UGT1A10: variants seen among roughly 807,000 people sequenced by gnomAD.
UGT1A10 encodes the protein UDP-glucuronosyltransferase 1A10.
Under a neutral mutation model 45.8 loss-of-function variants are expected in UGT1A10, and 49 were observed. The ratio of observed to expected loss-of-function variants is 1.07; its 90% CI spans 0.85 to 1.36. The LOEUF is 1.36. UGT1A10 is among the 40% of genes most tolerant of loss of function. The pLI is 0.00. For missense variants in UGT1A10, 745 were observed against 668.6 expected (o/e 1.11, Z -1.26); for synonymous variants, 284 against 249.7 (o/e 1.14, Z -1.29).
Position 233,697,502 on chromosome 2 carries a change from CT to C in UGT1A10, c.855+60138del, listed in dbSNP as rs1212901051. Among the ~76,000 whole-genome samples the C allele has an allele frequency of 6.5e-3, 919 of 142,258 alleles. 11 individuals are homozygous for C. The highest frequency in any genetic ancestry group is 0.021 in the African/African-American group (802 of 39,098). The allele number at this position is 142,258 out of a possible 152,430, so 93.3% of individuals were successfully genotyped here. On this transcript the variant is annotated intron_variant, in intron 1 of 4. Transcript: ENST00000344644. ...CTCAAGGTTTGCCAATTTTGTTTAT[CT>C]TTTTTTTTTTTTAAAAAACTTTTTG...
chr2:233,680,102 C>T (rs929199534), intron 1 of UGT1A10, among the ~76,000 whole-genome samples: 47 of 152,016 alleles, frequency 3.1e-4, no homozygotes, highest in African/African-American at 1.0e-3. Flanking sequence ...GCAATCATAG[C>T]GGCAGAGCTC....
chr2:233,704,065 A>T (rs912280435), intron 1 of UGT1A10, among the ~76,000 whole-genome samples: 4 of 151,732 alleles, frequency 2.6e-5, no homozygotes, highest in Non-Finnish European at 5.9e-5. Flanking sequence ...TAATTTTTGT[A>T]TTTTTTATAG....
rs563584394 is a variant in UGT1A10, at chr2:233,667,639, A to G, written c.855+30262A>G. Among the ~76,000 whole-genome samples the G allele has an allele frequency of 1.1e-3, 172 of 152,350 alleles. 1 individual carries two copies. The highest frequency in any genetic ancestry group is 3.7e-3 in the African/African-American group (153 of 41,574). ...AATTTTGGAATCTACTCATCTGACA[A>G]AGGGCTAATATCCAGAATCTACAAT... On this transcript the variant is annotated intron_variant, in intron 1 of 4. Transcript: ENST00000344644.
chr2:233,644,939 T>G (rs1040026267), intron 1 of UGT1A10, among the ~76,000 whole-genome samples: 6 of 152,162 alleles, frequency 3.9e-5, no homozygotes, highest in Non-Finnish European at 7.4e-5. Flanking sequence ...GACAATCCTT[T>G]ACATAGAAAA....
intron 1 of UGT1A10, chr2:233,693,473 G>T: frequency 6.2e-7 from 1 of 1,614,174 alleles, no homozygotes; most frequent in Non-Finnish European, 8.5e-7. Flanking sequence ...ACCCTGTGGG[G>T]TGATCCTGGC....
intron 1 of UGT1A10, chr2:233,743,508 C>T (rs750114193): frequency 5.1e-6 from 7 of 1,367,284 alleles, no homozygotes; most frequent in East Asian, 9.1e-5. Context: ...GGGGTGCAGA[C>T]GCTCTGCTTC....
chr2:233,648,758 C>T, intron 1 of UGT1A10: 1 of 697,006 alleles, frequency 1.4e-6, no homozygotes, highest in Non-Finnish European at 2.3e-6. Context: ...GCCACCACAC[C>T]CAGCCTGGAT....
At chr2:233,746,305 A>G (rs1693353993) in intron 1 of UGT1A10, among the ~76,000 whole-genome samples, 1 of 151,774 alleles carries the variant, frequency 6.6e-6, no homozygotes, top group Non-Finnish European at 1.5e-5. Context: ...TTTCCCTTGG[A>G]GGGCCCTGTA....
chr2:233,672,460 T>C (rs141811044), intron 1 of UGT1A10: 504 of 1,613,886 alleles, frequency 3.1e-4, no homozygotes, highest in Non-Finnish European at 4.1e-4. Flanking sequence ...ACTTTGCCAC[T>C]ATCTTGAAGA....
chr2:233,648,707 G>A (rs989095177), intron 1 of UGT1A10: 26 of 404,298 alleles, frequency 6.4e-5, no homozygotes, highest in Middle Eastern at 3.9e-4. Flanking sequence ...CTCGTGATCC[G>A]CCCGCCTTGG....
intron 1 of UGT1A10, among the ~76,000 whole-genome samples, chr2:233,653,342 G>A (rs377576970): frequency 6.6e-6 from 1 of 152,076 alleles, no homozygotes; most frequent in Admixed American, 6.6e-5. Flanking sequence ...TAAACCCTCA[G>A]GTGTACTAAT....
In UGT1A10 at chr2:233,636,889, C is replaced by A. The variant is rs760404473; in HGVS notation, c.367C>A (p.His123Asn). 7 of 1,613,868 alleles carry A rather than the reference C, an allele frequency of 4.3e-6. No homozygotes were observed. The highest frequency in any genetic ancestry group is 5.9e-6 in the Non-Finnish European group (7 of 1,179,990). The change falls in exon 1 of 5, where the codon CAT becomes AAT. Residue 123 changes from histidine (H) to asparagine (N), a missense_variant. His to Asn is a moderately conservative substitution (Grantham distance 68). Coordinates refer to ENST00000344644, the MANE Select transcript of UGT1A10 (RefSeq NM_019075.4). ...TGGTTTTCTTGACTTATTTTTTTCGCATTGCAGGAGTTTGTTTAATGACCG... is the reference window on the plus strand; with the variant it reads ...TGGTTTTCTTGACTTATTTTTTTCGAATTGCAGGAGTTTGTTTAATGACCG... ...SSGFLDLFFS[H>N]CRSLFNDRKL... is the part of the protein sequence containing the mutation.
chr2:233,640,595 C>A (rs962373465), intron 1 of UGT1A10, among the ~76,000 whole-genome samples: 3 of 152,066 alleles, frequency 2.0e-5, no homozygotes, highest in Admixed American at 6.5e-5. Context: ...TGAGTAAGTT[C>A]CAAATTTTAT....
At chr2:233,716,338 G>A (rs561710355) in intron 1 of UGT1A10, among the ~76,000 whole-genome samples, 6 of 152,144 alleles carry the variant, frequency 3.9e-5, no homozygotes, top group African/African-American at 1.2e-4. Context: ...CCAGGTTTGC[G>A]CAACTACAAT....
At chr2:233,699,972 A>C (rs768298502) in intron 1 of UGT1A10, among the ~76,000 whole-genome samples, 1 of 152,052 alleles carries the variant, frequency 6.6e-6, no homozygotes, top group African/African-American at 2.4e-5. Flanking sequence ...CCGTCCCCCA[A>C]CTCCCAACAA....
At chr2:233,719,761 G>T in intron 1 of UGT1A10, 2 of 1,612,292 alleles carry the variant, frequency 1.2e-6, no homozygotes, top group Admixed American at 1.7e-5. Context: ...ACTTACAAGT[G>T]CTTCCATATC....
At chr2:233,695,200 A>G (rs2075272286) in intron 1 of UGT1A10, among the ~76,000 whole-genome samples, 1 of 145,726 alleles carries the variant, frequency 6.9e-6, no homozygotes, top group South Asian at 2.2e-4. Flanking sequence ...ATCTCAGCCC[A>G]CTGCAACCTC....
intron 1 of UGT1A10, chr2:233,743,573 A>C (rs765598613): frequency 7.3e-7 from 1 of 1,367,260 alleles, no homozygotes; most frequent in Non-Finnish European, 9.8e-7. Context: ...CGGGTTTCCC[A>C]AGAGGTCAAA....
At chr2:233,756,974 T>G (rs1036999646) in intron 1 of UGT1A10, among the ~76,000 whole-genome samples, 2 of 151,942 alleles carry the variant, frequency 1.3e-5, no homozygotes, top group African/African-American at 4.8e-5. Flanking sequence ...AAGCACGCAA[T>G]GAACAGTCAT....
Sources: gnomAD v4.1 joint callset for allele counts (sites outside exome capture counted in the v4.1 genomes callset) on GRCh38, gnomAD v4.1.1 for gene constraint, MANE v1.5 for transcripts, NCBI Gene and HGNC (gene_info 2026-07-23, HGNC 2026-07-21) for gene names.